The following IL1RAPL1 variants were observed in gnomAD, a reference collection of about 807,000 sequenced individuals.
The protein encoded by IL1RAPL1 is interleukin 1 receptor accessory protein like 1, also known as interleukin-1 receptor accessory protein-like 1.
Under a neutral mutation model 48.4 loss-of-function variants are expected in IL1RAPL1, and 3 were observed. The observed-to-expected ratio is 0.06, with a 90% CI of 0.03 to 0.16. The LOEUF is 0.16. Ranked by LOEUF, IL1RAPL1 falls within the 10% of genes least tolerant of loss-of-function variation. The pLI is 1.00. For missense variants in IL1RAPL1, 349 were observed against 530.6 expected, an observed-to-expected ratio of 0.66 and a Z score of 3.36; for synonymous variants, 185 against 187.7, an observed-to-expected ratio of 0.99 and a Z score of 0.12.
Position 28,951,406 on chromosome X carries a change from T to C in IL1RAPL1, c.82+161981T>C, listed in dbSNP as rs781167125. ...CATATAAATGTATTGGAATCCATGA[T>C]AAATGGTAAAAAAAAAAAAAAAAAA... On this transcript the variant is annotated intron_variant, in intron 2 of 10. Coordinates refer to ENST00000378993, the MANE Select transcript of IL1RAPL1 (RefSeq NM_014271.4). Among the ~76,000 whole-genome samples, 178 of 63,344 alleles carry C rather than the reference T, an allele frequency of 2.8e-3. 1 individual carries two copies. The highest frequency in any genetic ancestry group is 0.018 in the Middle Eastern group (2 of 111). 55.0% of individuals were successfully genotyped at this position (63,344 alleles called of 115,157 possible). A position where few individuals can be genotyped will look rare whatever the true frequency, so the allele number is the denominator to read the frequency against.
At chrX:29,311,558 A>G (rs925362578) in intron 3 of IL1RAPL1, among the ~76,000 whole-genome samples, 15 of 112,095 alleles carry the variant, frequency 1.3e-4, no homozygotes, top group African/African-American at 4.9e-4. Context: ...GTCAATAGCT[A>G]TCTGTGGCTG....
At chrX:28,864,472 A>G (rs1418135478) in intron 2 of IL1RAPL1, among the ~76,000 whole-genome samples, 1 of 112,173 alleles carries the variant, frequency 8.9e-6, no homozygotes, top group African/African-American at 3.2e-5. Context: ...ATACTCTCAT[A>G]AAAACCAGAG....
chrX:28,860,395 C>G, intron 2 of IL1RAPL1, among the ~76,000 whole-genome samples: 1 of 110,142 alleles, frequency 9.1e-6, no homozygotes, highest in Non-Finnish European at 1.9e-5. Flanking sequence ...ATATTGTAAG[C>G]ACTCAACATG....
chrX:28,736,200 G>A lies in IL1RAPL1; in HGVS notation c.-24-53120G>A, dbSNP rs775248735. ...TGTAATCTCAGCACTTTGGGAGGCCGAGGTGGGCAGATCACAAGGTCAGGA... is the reference window on the plus strand; with the variant it reads ...TGTAATCTCAGCACTTTGGGAGGCCAAGGTGGGCAGATCACAAGGTCAGGA... On this transcript the variant is annotated intron_variant, in intron 1 of 10. Transcript: ENST00000378993. 4.0e-3 allele frequency among the ~76,000 whole-genome samples: 448 copies of A among 110,779 alleles called. 2 individuals are homozygous for A. The highest frequency in any genetic ancestry group is 0.014 in the African/African-American group (414 of 30,506).
chrX:29,014,615 C>A (rs1926199062), intron 2 of IL1RAPL1, among the ~76,000 whole-genome samples: 1 of 111,702 alleles, frequency 9.0e-6, no homozygotes, highest in African/African-American at 3.3e-5. Context: ...GGCATATGCA[C>A]ACAGTTATTT....
At position 29,613,686 on chromosome X, in the gene IL1RAPL1, AC is replaced by A. The variant is rs1014947214; in HGVS notation, c.704-54743del. ...GTCAGCGAAACTTGGGTGTGGTAGGACAAATGGGAGAAGCTGGGTTTTTTTC... is the reference window on the plus strand; with the variant it reads ...GTCAGCGAAACTTGGGTGTGGTAGGAAAATGGGAGAAGCTGGGTTTTTTTC... On this transcript the variant is annotated intron_variant, in intron 5 of 10. Transcript: ENST00000378993. 2.8e-5 allele frequency among the ~76,000 whole-genome samples: 3 copies of A among 105,469 alleles called. 1 individual carries two copies. The highest frequency in any genetic ancestry group is 1.0e-4 in the African/African-American group (3 of 28,600). The allele number at this position is 105,469 out of a possible 115,157, so 91.6% of individuals were successfully genotyped here. A position where few individuals can be genotyped will look rare whatever the true frequency, so the allele number is the denominator to read the frequency against.
intron 3 of IL1RAPL1, among the ~76,000 whole-genome samples, chrX:29,323,368 C>A (rs1484423293): frequency 9.2e-6 from 1 of 109,193 alleles, no homozygotes; most frequent in Non-Finnish European, 1.9e-5. Context: ...ATTGGTAAAT[C>A]TAGTGAACAT....
chrX:29,156,825 C>T (rs1025602007), intron 2 of IL1RAPL1, among the ~76,000 whole-genome samples: 1 of 102,549 alleles, frequency 9.8e-6, no homozygotes, highest in Non-Finnish European at 2.0e-5. Flanking sequence ...TGACATACCA[C>T]GTTTATCTGT....
chrX:29,833,349 AT>A (rs201915888), intron 6 of IL1RAPL1, among the ~76,000 whole-genome samples: 1,763 of 109,118 alleles, frequency 0.016, 41 homozygotes, highest in African/African-American at 0.054. Context: ...TTTAGTATGT[AT>A]TTTTTTTTAA....
intron 2 of IL1RAPL1, among the ~76,000 whole-genome samples, chrX:29,192,949 A>G (rs1930379398): frequency 9.0e-6 from 1 of 111,096 alleles, no homozygotes; most frequent in Non-Finnish European, 1.9e-5. Flanking sequence ...CGTTTTAAGC[A>G]CATACCTTAA....
At chrX:29,702,593 T>G (rs1927082911) in intron 6 of IL1RAPL1, among the ~76,000 whole-genome samples, 1 of 111,743 alleles carries the variant, frequency 8.9e-6, no homozygotes, top group African/African-American at 3.3e-5. Flanking sequence ...CAAAGGGAGA[T>G]CTCTGAGCTT....
rs111338514 is a variant in IL1RAPL1 at position 29,800,495 on chromosome X, T to TACAC, written c.779-116951_779-116948dup. ...TATTATAGGAGACTCATATCCCAAA[T>TACAC]ACACACACACACACACACACATGCA... On this transcript the variant is annotated intron_variant, in intron 6 of 10. Transcript: ENST00000378993. Among the ~76,000 whole-genome samples, 821 of 103,791 alleles carry TACAC rather than the reference T, an allele frequency of 7.9e-3. 3 individuals carry two copies. The highest frequency in any genetic ancestry group is 0.01 in the Middle Eastern group (2 of 198). The allele number at this position is 103,791 out of a possible 115,157, so 90.1% of individuals were successfully genotyped here.
At chrX:28,804,849 A>G (rs997604367) in intron 2 of IL1RAPL1, among the ~76,000 whole-genome samples, 5 of 111,611 alleles carry the variant, frequency 4.5e-5, no homozygotes, top group African/African-American at 1.6e-4. Context: ...TCACAGTGGT[A>G]TATTAGAGTA....
chrX:29,519,335 A>G (rs976558940), intron 5 of IL1RAPL1, among the ~76,000 whole-genome samples: 7 of 111,644 alleles, frequency 6.3e-5, no homozygotes, highest in Admixed American at 1.9e-4. Flanking sequence ...TTTTATCCAC[A>G]TTTTATAATT....
intron 1 of IL1RAPL1, among the ~76,000 whole-genome samples, chrX:28,728,419 A>C (rs1935708638): frequency 9.0e-6 from 1 of 111,711 alleles, no homozygotes; most frequent in East Asian, 2.8e-4. Flanking sequence ...GATAACCGCT[A>C]CTCACCCACA....
intron 6 of IL1RAPL1, among the ~76,000 whole-genome samples, chrX:29,885,255 C>T (rs973220742): frequency 9.8e-5 from 11 of 112,025 alleles, no homozygotes; most frequent in Non-Finnish European, 1.9e-4. Context: ...AGTCCTATTT[C>T]GATTTCTATT....
chrX:29,145,652 A>G lies in IL1RAPL1; in HGVS notation c.83-137286A>G, dbSNP rs746323330. 7.2e-5 allele frequency among the ~76,000 whole-genome samples: 8 copies of G among 111,834 alleles called. No homozygotes were observed. In the South Asian group the frequency reaches 1.9e-3, roughly 26 times the overall value. ...CACGAGACAGGCCACTGGACTTTCA[A>G]TAGGTAGCTCAACCTCATCCTCACG... On this transcript the variant is annotated intron_variant, in intron 2 of 10. Coordinates refer to ENST00000378993, the MANE Select transcript of IL1RAPL1 (RefSeq NM_014271.4).
chrX:29,083,431 A>G (rs1480014595), intron 2 of IL1RAPL1, among the ~76,000 whole-genome samples: 2 of 112,010 alleles, frequency 1.8e-5, no homozygotes, highest in African/African-American at 6.5e-5. Flanking sequence ...TGCTCTAATA[A>G]ATCCTGAAAC....
intron 1 of IL1RAPL1, among the ~76,000 whole-genome samples, chrX:28,594,735 T>C (rs1278407827): frequency 8.9e-6 from 1 of 112,287 alleles, no homozygotes; most frequent in Non-Finnish European, 1.9e-5. Context: ...TCTAGCTTAC[T>C]TTACCGATTT....
Sources: allele counts gnomAD v4.1 joint callset (sites outside exome capture counted in the v4.1 genomes callset), GRCh38; gene constraint gnomAD v4.1.1; transcripts MANE v1.5; gene names NCBI Gene and HGNC (gene_info 2026-07-23, HGNC 2026-07-21).